KCNN2: variants seen among roughly 807,000 people sequenced by gnomAD.
KCNN2 encodes the protein potassium calcium-activated channel subfamily N member 2.
KCNN2 carries 24 observed loss-of-function variants against 55.5 expected under a neutral mutation model. The ratio of observed to expected loss-of-function variants is 0.43; its 90% confidence interval spans 0.31 to 0.61. The LOEUF (loss-of-function observed/expected upper bound fraction) is 0.61. Ranked by LOEUF, KCNN2 falls within the 20% of genes least tolerant of loss-of-function variation. The pLI, the probability that KCNN2 is intolerant of heterozygous loss-of-function variation, is 0.08. For synonymous variants in KCNN2, 431 were observed against 336.1 expected (o/e 1.28, Z -3.09); for missense variants, 754 against 853.6 (o/e 0.88, Z 1.45).
At chr5:114,420,610 C>T (rs1458069390) in intron 3 of KCNN2, among the ~76,000 whole-genome samples, 4 of 152,168 alleles carry the variant, frequency 2.6e-5, no homozygotes, top group African/African-American at 7.2e-5. Flanking sequence ...CCATAAACAA[C>T]GTTCATTCCT....
chr5:114,459,878 G>GTATT (rs1761113995), intron 3 of KCNN2, among the ~76,000 whole-genome samples: 1 of 152,160 alleles, frequency 6.6e-6, no homozygotes, highest in Non-Finnish European at 1.5e-5. Context: ...ATTTAATGAT[G>GTATT]TATTTCCTGA....
chr5:114,286,686 T>A (rs1327169951), intron 2 of KCNN2, among the ~76,000 whole-genome samples: 3 of 152,130 alleles, frequency 2.0e-5, no homozygotes, highest in Non-Finnish European at 4.4e-5. Context: ...GGAGAACAAT[T>A]TTCTATGAAG....
rs1279342814 is a variant in KCNN2, at chr5:114,473,175, ATCCATATATC to A, written c.1890+13_1890+22del. 7.0e-7 allele frequency: 1 copy of A among 1,422,330 alleles called. No individual in the cohort carries two copies. Among genetic ancestry groups the A allele is most frequent in the Non-Finnish European group, 9.9e-7 (1 of 1,009,886 alleles). The allele number at this position is 1,422,330 out of a possible 1,614,324, so 88.1% of individuals were successfully genotyped here. ...CAGCTGACTAAAAGAGTAAGTTACTATCCATATATCTTCAAAGAGAATATTATTGTGATTT... is the reference window on the plus strand; with the variant it reads ...CAGCTGACTAAAAGAGTAAGTTACTATTCAAAGAGAATATTATTGTGATTT... On this transcript the variant is annotated intron_variant, in intron 5 of 7. Coordinates refer to ENST00000673685, the MANE Select transcript of KCNN2 (RefSeq NM_021614.4).
intron 2 of KCNN2, among the ~76,000 whole-genome samples, chr5:114,310,150 T>C (rs954596905): frequency 6.6e-6 from 1 of 152,182 alleles, no homozygotes; most frequent in Non-Finnish European, 1.5e-5. Context: ...AGATTCTTTT[T>C]CACCAGTGAA....
intron 5 of KCNN2, among the ~76,000 whole-genome samples, chr5:114,484,592 C>G (rs1762369025): frequency 6.6e-6 from 1 of 152,154 alleles, no homozygotes. Context: ...TTGACCCTGT[C>G]TTCTCACTGT....
chr5:114,106,287 T>C (rs903804990), intron 1 of KCNN2, among the ~76,000 whole-genome samples: 2 of 151,946 alleles, frequency 1.3e-5, no homozygotes, highest in African/African-American at 4.8e-5. Flanking sequence ...TTTTGTCTAT[T>C]ATGAAGCATT....
intron 1 of KCNN2, among the ~76,000 whole-genome samples, chr5:114,071,067 G>T (rs1580482918): frequency 6.6e-6 from 1 of 152,054 alleles, no homozygotes; most frequent in South Asian, 2.1e-4. Flanking sequence ...ATGTATGCAT[G>T]TGAAATATAT....
intron 1 of KCNN2, among the ~76,000 whole-genome samples, chr5:114,075,024 C>T (rs976089512): frequency 1.3e-5 from 2 of 152,214 alleles, no homozygotes. Flanking sequence ...TCTTCCTTCC[C>T]ATCCCTGTGA....
intron 2 of KCNN2, among the ~76,000 whole-genome samples, chr5:114,297,764 T>G (rs1213762357): frequency 2.0e-5 from 3 of 152,184 alleles, no homozygotes; most frequent in African/African-American, 7.2e-5. Flanking sequence ...GACATTAAAA[T>G]AATATGTTAT....
intron 1 of KCNN2, among the ~76,000 whole-genome samples, chr5:114,140,459 A>T (rs566793820): frequency 6.6e-6 from 1 of 152,298 alleles, no homozygotes; most frequent in East Asian, 1.9e-4. Context: ...AGAAGAATTA[A>T]TCCCTAAAAG....
At chr5:114,060,156 C>A (rs1403807852) in intron 1 of KCNN2, among the ~76,000 whole-genome samples, 1 of 152,220 alleles carries the variant, frequency 6.6e-6, no homozygotes, top group East Asian at 1.9e-4. Flanking sequence ...TATGAGTATG[C>A]AGCACTTAGC....
At chr5:114,253,903 T>C (rs1254705023) in intron 2 of KCNN2, 2 of 152,196 alleles carry the variant, frequency 1.3e-5, no homozygotes, top group Non-Finnish European at 2.9e-5. Flanking sequence ...GTCCTTATGA[T>C]GCAATTAATC....
intron 3 of KCNN2, among the ~76,000 whole-genome samples, chr5:114,448,807 T>C (rs1030078083): frequency 6.6e-6 from 1 of 152,242 alleles, no homozygotes. Context: ...TCATTTGCTG[T>C]ATTTTGAAAA....
At chr5:114,472,980 A>G in intron 4 of KCNN2, 74 bp from the exon 5 acceptor site, 1 of 840,200 alleles carries the variant, frequency 1.2e-6, no homozygotes, top group East Asian at 2.7e-5. Context: ...ATTTGATGCA[A>G]AACATTTTCT....
chr5:114,495,797 A>T, intron 7 of KCNN2, 98 bp from the exon 8 acceptor site: 1 of 1,167,702 alleles, frequency 8.6e-7, no homozygotes, highest in Non-Finnish European at 1.2e-6. Flanking sequence ...TGTTACACTG[A>T]ATGCCACCAG....
At chr5:114,166,846 C>T (rs1240985813) in intron 1 of KCNN2, among the ~76,000 whole-genome samples, 1 of 151,984 alleles carries the variant, frequency 6.6e-6, no homozygotes, top group East Asian at 1.9e-4. Flanking sequence ...GAGATCAGTG[C>T]CCTTTTAAGA....
intron 1 of KCNN2, among the ~76,000 whole-genome samples, chr5:114,096,623 A>G (rs1169894881): frequency 6.6e-6 from 1 of 152,032 alleles, no homozygotes; most frequent in Non-Finnish European, 1.5e-5. Flanking sequence ...ATCTCACTGT[A>G]GCCCCAGGAA....
chr5:114,381,407 A>G (rs1240493117), intron 2 of KCNN2, among the ~76,000 whole-genome samples: 2 of 152,220 alleles, frequency 1.3e-5, no homozygotes, highest in African/African-American at 4.8e-5. Flanking sequence ...TGAAAGAAAT[A>G]CAAAAACAAA....
chr5:114,064,451 C>T (rs1443867478), intron 1 of KCNN2, among the ~76,000 whole-genome samples: 2 of 152,166 alleles, frequency 1.3e-5, no homozygotes, highest in Non-Finnish European at 2.9e-5. Context: ...TGTGAGGAAG[C>T]TCCAGCTAGC....
Sources: allele counts gnomAD v4.1 joint callset (sites outside exome capture counted in the v4.1 genomes callset), GRCh38; gene constraint gnomAD v4.1.1; transcripts MANE v1.5; gene names NCBI Gene and HGNC (gene_info 2026-07-23, HGNC 2026-07-21).